Variants in HTRA1 observed in about 807,000 individuals in gnomAD.
HTRA1 encodes the protein serine protease HTRA1.
HTRA1 carries 26 observed loss-of-function variants against 49.7 expected under a neutral mutation model. That is an observed-to-expected ratio of 0.52 (90% CI 0.38 to 0.73). The LOEUF is 0.73. Among genes scored for constraint, HTRA1 ranks in the 30% least tolerant of loss-of-function variants. HTRA1 has a pLI of 0.00. For synonymous variants in HTRA1, 291 were observed against 286.9 expected, an observed-to-expected ratio of 1.01 and a Z score of -0.14; for missense variants, 561 against 667.2, an observed-to-expected ratio of 0.84 and a Z score of 1.75.
intron 1 of HTRA1, among the ~76,000 whole-genome samples, chr10:122,479,481 T>C (rs760338): frequency 0.54 from 82,151 of 152,018 alleles, 23,544 homozygotes; most frequent in African/African-American, 0.73. Flanking sequence ...TTAAAGGTAA[T>C]ATTTGTGCCT....
At chr10:122,481,395 G>A (rs1033325232) in intron 1 of HTRA1, among the ~76,000 whole-genome samples, 1 of 152,218 alleles carries the variant, frequency 6.6e-6, no homozygotes, top group African/African-American at 2.4e-5. Context: ...TGGGATAGAT[G>A]TGTGACAGAG....
intron 3 of HTRA1, among the ~76,000 whole-genome samples, chr10:122,504,256 C>T (rs576836778): frequency 4.1e-4 from 62 of 152,284 alleles, no homozygotes; most frequent in African/African-American, 1.4e-3. Flanking sequence ...TGAGCTCAGA[C>T]GGTGGAAAAG....
At chr10:122,496,369 C>T (rs954958473) in intron 3 of HTRA1, among the ~76,000 whole-genome samples, 6 of 150,960 alleles carry the variant, frequency 4.0e-5, no homozygotes, top group Admixed American at 4.0e-4. Flanking sequence ...AGCTATTTGG[C>T]AATTATCCAA....
At chr10:122,489,352 A>G in intron 2 of HTRA1, 70 bp from the exon 3 acceptor site, 1 of 1,386,634 alleles carries the variant, frequency 7.2e-7, no homozygotes, top group Admixed American at 1.7e-5. Context: ...TGCACAACCC[A>G]TTAATCAATG....
intron 3 of HTRA1, among the ~76,000 whole-genome samples, chr10:122,491,424 A>T (rs569945678): frequency 6.6e-6 from 1 of 152,364 alleles, no homozygotes; most frequent in Non-Finnish European, 1.5e-5. Flanking sequence ...GCCAGTCAGA[A>T]TAGCACAGCC....
intron 1 of HTRA1, among the ~76,000 whole-genome samples, chr10:122,474,712 C>G (rs558970362): frequency 6.6e-6 from 1 of 151,884 alleles, no homozygotes; most frequent in Non-Finnish European, 1.5e-5. Context: ...GCTGTTTCCC[C>G]GAAGATAATA....
chr10:122,496,848 C>A (rs544739900), intron 3 of HTRA1, among the ~76,000 whole-genome samples: 1 of 152,088 alleles, frequency 6.6e-6, no homozygotes, highest in Non-Finnish European at 1.5e-5. Flanking sequence ...TTAGAACCCT[C>A]CAGAACAAGT....
chr10:122,474,949 G>A (rs1255434750), intron 1 of HTRA1, among the ~76,000 whole-genome samples: 2 of 152,074 alleles, frequency 1.3e-5, no homozygotes, highest in East Asian at 3.9e-4. Context: ...TTTAAACATA[G>A]ACAACATAAA....
Position 122,462,082 on chromosome 10 carries a change from C to G in HTRA1, c.430C>G (p.Arg144Gly), listed in dbSNP as rs779980320. The G allele has an allele frequency of 2.6e-6, 4 of 1,535,154 alleles. No homozygotes were observed. Among genetic ancestry groups the G allele is most frequent in the Non-Finnish European group, 3.5e-6 (4 of 1,147,216 alleles). Residue 144 changes from arginine (R) to glycine (G), a missense_variant, in exon 1 of 9, where the codon CGG becomes GGG. This residue lies in a region of HTRA1 where 271 missense variants were observed against 410.0 expected (regional missense o/e 0.66). Transcript: ENST00000368984. ...AASRRSERLH[R>G]PPVIVLQRGA... ...CAGCCGCCGCTCCGAGAGGCTGCAC[C>G]GGCCGCCGGTCATCGTCCTGCAGCG...
chr10:122,475,935 C>T (rs917955874), intron 1 of HTRA1, among the ~76,000 whole-genome samples: 8 of 152,270 alleles, frequency 5.3e-5, no homozygotes, highest in East Asian at 1.9e-4. Context: ...TTTAATGGAG[C>T]GGGCCAGACA....
At position 122,490,593 on chromosome 10, in the gene HTRA1, G is replaced by T. The variant is rs2097495315; in HGVS notation, c.777+967G>T. 1.3e-5 allele frequency among the ~76,000 whole-genome samples: 2 copies of T among 152,170 alleles called. No individual in the cohort carries two copies. Among genetic ancestry groups the T allele is most frequent in the African/African-American group, 4.8e-5 (2 of 41,452 alleles). ...CAGATGGAGGGAACAATCAGAGGAG[G>T]CTGGAATCCTGCCTCTGACCAAGGA... On this transcript the variant is annotated intron_variant, in intron 3 of 8. Coordinates refer to ENST00000368984, the MANE Select transcript of HTRA1 (RefSeq NM_002775.5). The surrounding 1 kb of genome is among the most constrained non-coding windows in gnomAD (Gnocchi z 4.2).
At chr10:122,497,747 G>GGCT (rs2097499347) in intron 3 of HTRA1, among the ~76,000 whole-genome samples, 1 of 152,206 alleles carries the variant, frequency 6.6e-6, no homozygotes, top group Admixed American at 6.5e-5. Context: ...TTTAAGACCT[G>GGCT]GCTGGTTCAT....
rs6144135 is a variant in HTRA1 at position 122,506,096 on chromosome 10, T to TCTTGCTGTCTTGGGTCCTGGAGGC, written c.778-586_778-585insTTGGGTCCTGGAGGCCTTGCTGTC. Among the ~76,000 whole-genome samples, 141,005 of 151,754 alleles carry TCTTGCTGTCTTGGGTCCTGGAGGC rather than the reference T, an allele frequency of 0.93. 65,601 individuals carry two copies. The highest frequency in any genetic ancestry group is 1 in the East Asian group (5,118 of 5,126). Reference sequence around the variant, plus strand: ...GAGGAGAGACAGCCTACCTATTCGGTCTTGCTGTCCCCATGCTCCATCCCT... The same window carrying TCTTGCTGTCTTGGGTCCTGGAGGC: ...GAGGAGAGACAGCCTACCTATTCGGTCTTGCTGTCTTGGGTCCTGGAGGCCTTGCTGTCCCCATGCTCCATCCCT... On this transcript the variant is annotated intron_variant, in intron 3 of 8. Coordinates refer to ENST00000368984, the MANE Select transcript of HTRA1 (RefSeq NM_002775.5). The surrounding 1 kb of genome is among the most constrained non-coding windows in gnomAD (Gnocchi z 5.2).
chr10:122,483,673 T>C (rs2300432), intron 1 of HTRA1, among the ~76,000 whole-genome samples: 28,525 of 152,216 alleles, frequency 0.19, 3,003 homozygotes, highest in South Asian at 0.42. Context: ...TTGTGAGAAA[T>C]TGATAGCTTA....
In HTRA1 at chr10:122,514,293, C is replaced by A; in HGVS notation, c.1377C>A (p.Asn459Lys). 1.2e-6 allele frequency: 2 copies of A among 1,614,158 alleles called. No individual in the cohort carries two copies. Among genetic ancestry groups the A allele is most frequent in the Non-Finnish European group, 1.7e-6 (2 of 1,180,018 alleles). The stretch of plus-strand genomic sequence containing the variant: ...TCATTAAAAGGGAAAGCACCCTGAA[C>A]ATGGTGGTCCGCAGGGGTAATGAAG... ...SDVIKRESTL[N>K]MVVRRGNEDI... The change falls in exon 9 of 9, where the codon AAC (asparagine) becomes AAA (lysine). Residue 459 changes from asparagine to lysine, a missense_variant. By Grantham distance (94) the Asn-to-Lys change is moderately conservative. Coordinates refer to ENST00000368984, the MANE Select transcript of HTRA1 (RefSeq NM_002775.5).
chr10:122,513,677 T>TA (rs200167274), intron 8 of HTRA1, among the ~76,000 whole-genome samples: 3,437 of 138,646 alleles, frequency 0.025, 86 homozygotes, highest in East Asian at 0.13. Context: ...AGAACATTAT[T>TA]AAAAAAAAAA....
intron 1 of HTRA1, 63 bp downstream of exon 1, chr10:122,462,187 C>A (rs1245706934): frequency 5.2e-6 from 7 of 1,358,080 alleles, no homozygotes; most frequent in Non-Finnish European, 7.1e-6. Context: ...CCTGCTTCTG[C>A]GGGACTGGTG....
At chr10:122,477,093 G>A (rs930921385) in intron 1 of HTRA1, among the ~76,000 whole-genome samples, 5 of 150,026 alleles carry the variant, frequency 3.3e-5, no homozygotes, top group South Asian at 4.3e-4. Context: ...TCAGCCTCCC[G>A]AGTAGCTGGG....
chr10:122,488,768 G>A (rs935248792), intron 1 of HTRA1, 134 bp from the exon 2 acceptor site: 1 of 789,072 alleles, frequency 1.3e-6, no homozygotes, highest in Non-Finnish European at 2.3e-6. Flanking sequence ...GAGCCCAGGT[G>A]GGGGAATTGC....
Sources: allele counts gnomAD v4.1 joint callset (sites outside exome capture counted in the v4.1 genomes callset), GRCh38; gene constraint gnomAD v4.1.1; regional missense constraint gnomAD v4.1.1; non-coding constraint Gnocchi (gnomAD v3.1); transcripts MANE v1.5; gene names NCBI Gene and HGNC (gene_info 2026-07-23, HGNC 2026-07-21).